DLG2: variants seen among roughly 807,000 people sequenced by gnomAD.
DLG2 encodes disks large homolog 2.
In DLG2, 45 loss-of-function variants were observed where a neutral mutation model predicts 132.5. The ratio of observed to expected loss-of-function variants is 0.34; its 90% confidence interval spans 0.27 to 0.44. The LOEUF (loss-of-function observed/expected upper bound fraction) is 0.44. Among genes scored for constraint, DLG2 ranks in the 20% least tolerant of loss-of-function variants. DLG2 has a pLI of 1.00. For synonymous variants in DLG2, 424 were observed against 419.6 expected, an observed-to-expected ratio of 1.01 and a Z score of -0.13; for missense variants, 1,045 against 1,196.9, an observed-to-expected ratio of 0.87 and a Z score of 1.87.
chr11:85,398,430 G>C (rs191270963), intron 3 of DLG2, among the ~76,000 whole-genome samples: 113 of 152,170 alleles, frequency 7.4e-4, no homozygotes, highest in African/African-American at 2.6e-3. Context: ...ACTAAGATCA[G>C]AGAAGAACTG....
intron 7 of DLG2, among the ~76,000 whole-genome samples, chr11:84,257,575 C>A (rs1425076895): frequency 1.3e-5 from 2 of 151,820 alleles, no homozygotes; most frequent in African/African-American, 4.8e-5. Flanking sequence ...CAAAGTCACA[C>A]AGCTGGTAAA....
chr11:85,461,120 G>A (rs554261821), intron 3 of DLG2, among the ~76,000 whole-genome samples: 40 of 152,218 alleles, frequency 2.6e-4, no homozygotes, highest in Middle Eastern at 3.4e-3. Context: ...GGATTCCTAC[G>A]GAAGTTATAC....
intron 4 of DLG2, among the ~76,000 whole-genome samples, chr11:85,219,422 G>A (rs1490086239): frequency 6.6e-6 from 1 of 152,036 alleles, no homozygotes; most frequent in Non-Finnish European, 1.5e-5. Context: ...CTTGAAGACA[G>A]AGAGAACTAG....
At chr11:84,000,587 G>A (rs959700079) in intron 11 of DLG2, among the ~76,000 whole-genome samples, 1 of 152,010 alleles carries the variant, frequency 6.6e-6, no homozygotes, top group African/African-American at 2.4e-5. Context: ...ACTGTCTAAA[G>A]TCAAAGACAA....
chr11:83,853,149 T>G (rs2060034450), intron 16 of DLG2, among the ~76,000 whole-genome samples: 1 of 152,060 alleles, frequency 6.6e-6, no homozygotes, highest in South Asian at 2.1e-4. Context: ...AAAATCCCCT[T>G]GATTTTCTCC....
intron 3 of DLG2, among the ~76,000 whole-genome samples, chr11:85,312,684 A>C (rs1372439152): frequency 2.6e-5 from 4 of 151,862 alleles, no homozygotes; most frequent in Non-Finnish European, 5.9e-5. Context: ...ACTTTCACTC[A>C]CCTAGGAGCT....
At chr11:85,238,205 TTTTA>T (rs141877580) in intron 4 of DLG2, among the ~76,000 whole-genome samples, 74,897 of 125,498 alleles carry the variant, frequency 0.6, 22,756 homozygotes, top group Middle Eastern at 0.69. Flanking sequence ...TTTATTTTTA[TTTTA>T]TTTATTTATT....
At chr11:84,100,419 C>A (rs140468062) in intron 9 of DLG2, among the ~76,000 whole-genome samples, 23 of 150,880 alleles carry the variant, frequency 1.5e-4, no homozygotes, top group Non-Finnish European at 3.0e-4. Context: ...TTTCTTATTT[C>A]TATAGTCTCC....
chr11:84,927,551 T>A (rs1439398196), intron 6 of DLG2, among the ~76,000 whole-genome samples: 1 of 151,996 alleles, frequency 6.6e-6, no homozygotes, highest in Admixed American at 6.6e-5. Context: ...TAATAAATAT[T>A]TCAGGCTTGT....
intron 8 of DLG2, among the ~76,000 whole-genome samples, chr11:84,184,073 T>C (rs955075631): frequency 1.3e-5 from 2 of 152,148 alleles, no homozygotes; most frequent in Non-Finnish European, 2.9e-5. Context: ...TGTTTTATAA[T>C]CCTTTGGGTA....
intron 3 of DLG2, among the ~76,000 whole-genome samples, chr11:85,408,455 T>C (rs931988803): frequency 6.6e-6 from 1 of 151,530 alleles, no homozygotes; most frequent in Non-Finnish European, 1.5e-5. Context: ...TGCTGGTTAG[T>C]TACATATGTA....
chr11:84,700,899 C>A (rs1417719116), intron 6 of DLG2, among the ~76,000 whole-genome samples: 3 of 151,630 alleles, frequency 2.0e-5, no homozygotes, highest in Non-Finnish European at 4.4e-5. Context: ...TGAGGGACAT[C>A]CTGCCATCAT....
intron 7 of DLG2, among the ~76,000 whole-genome samples, chr11:84,284,245 A>T (rs765713231): frequency 3.9e-5 from 6 of 152,202 alleles, no homozygotes; most frequent in Non-Finnish European, 5.9e-5. Context: ...AAAAAAAATC[A>T]AACCTGGCAT....
intron 8 of DLG2, among the ~76,000 whole-genome samples, chr11:84,239,736 C>T (rs1355333529): frequency 3.3e-5 from 5 of 152,104 alleles, no homozygotes. Flanking sequence ...CCGATATGTG[C>T]TAGTCTGTAT....
intron 3 of DLG2, among the ~76,000 whole-genome samples, chr11:85,511,856 C>A (rs968020451): frequency 2.0e-5 from 3 of 151,746 alleles, no homozygotes; most frequent in Non-Finnish European, 4.4e-5. Context: ...ATAGCTAGGA[C>A]CACAGGCATT....
At chr11:84,992,581 G>GC (rs1246993248) in intron 6 of DLG2, among the ~76,000 whole-genome samples, 1 of 152,082 alleles carries the variant, frequency 6.6e-6, no homozygotes, top group Non-Finnish European at 1.5e-5. Flanking sequence ...TTTAATAATA[G>GC]CCATTCTAAC....
At chr11:84,970,779 AT>A (rs1438774462) in intron 6 of DLG2, among the ~76,000 whole-genome samples, 1 of 152,124 alleles carries the variant, frequency 6.6e-6, no homozygotes, top group African/African-American at 2.4e-5. Context: ...TTTCACATTT[AT>A]TTTTTTAACT....
intron 4 of DLG2, among the ~76,000 whole-genome samples, chr11:85,281,735 G>C (rs1309289989): frequency 6.6e-6 from 1 of 151,920 alleles, no homozygotes; most frequent in Non-Finnish European, 1.5e-5. Flanking sequence ...GTGGAGAATG[G>C]GGAACCCTTG....
intron 3 of DLG2, among the ~76,000 whole-genome samples, chr11:85,471,838 G>A (rs1461008283): frequency 6.6e-6 from 1 of 152,036 alleles, no homozygotes; most frequent in Non-Finnish European, 1.5e-5. Flanking sequence ...TTTTTTTCAT[G>A]TTGACTAGCA....
Sources: gnomAD v4.1 joint callset for allele counts (sites outside exome capture counted in the v4.1 genomes callset) on GRCh38, gnomAD v4.1.1 for gene constraint, MANE v1.5 for transcripts, NCBI Gene and HGNC (gene_info 2026-07-23, HGNC 2026-07-21) for gene names.